CTNNA2: variants seen among roughly 807,000 people sequenced by gnomAD.
CTNNA2 encodes the protein catenin alpha-2.
A neutral mutation model predicts 101.0 loss-of-function variants in CTNNA2; 42 were observed. The observed-to-expected ratio is 0.42, with a 90% CI of 0.32 to 0.54. The LOEUF is 0.54. CTNNA2 is among the 20% of genes least tolerant of loss of function. The pLI is 0.14. For missense variants in CTNNA2, 871 were observed against 1,223.1 expected (o/e 0.71, Z 4.29); for synonymous variants, 450 against 456.4 (o/e 0.99, Z 0.18).
chr2:80,332,166 G>A (rs1414084084), intron 7 of CTNNA2, among the ~76,000 whole-genome samples: 1 of 152,144 alleles, frequency 6.6e-6, no homozygotes, highest in African/African-American at 2.4e-5. Context: ...AAATTATTGT[G>A]TGCATTGAAC....
At chr2:79,853,276 C>T (rs1211457569) in intron 3 of CTNNA2, among the ~76,000 whole-genome samples, 4 of 152,136 alleles carry the variant, frequency 2.6e-5, no homozygotes, top group Non-Finnish European at 5.9e-5. Context: ...GCCTCAGCCT[C>T]TAGAGTAGCA....
chr2:80,617,392 C>A (rs1345502349), intron 17 of CTNNA2, among the ~76,000 whole-genome samples: 2 of 151,526 alleles, frequency 1.3e-5, no homozygotes, highest in African/African-American at 4.8e-5. Flanking sequence ...ATTGCAAAAT[C>A]TCACACACAA....
chr2:79,748,991 G>T (rs112992170), intron 3 of CTNNA2, among the ~76,000 whole-genome samples: 1,574 of 152,178 alleles, frequency 0.01, 14 homozygotes, highest in Middle Eastern at 0.02. Context: ...GCTTACCTAC[G>T]GGGGAGAAGT....
intron 17 of CTNNA2, among the ~76,000 whole-genome samples, chr2:80,616,713 C>T (rs1698883624): frequency 6.6e-6 from 1 of 151,334 alleles, no homozygotes; most frequent in South Asian, 2.1e-4. Context: ...TGGAGTAGAG[C>T]TTAGTTTTCA....
At chr2:80,205,957 C>T (rs868746350) in intron 7 of CTNNA2, among the ~76,000 whole-genome samples, 25 of 152,156 alleles carry the variant, frequency 1.6e-4, no homozygotes, top group African/African-American at 5.8e-4. Context: ...TTATAAAGCA[C>T]TTTATATAGA....
intron 3 of CTNNA2, among the ~76,000 whole-genome samples, chr2:79,335,185 T>G (rs1368416019): frequency 1.3e-5 from 2 of 152,202 alleles, no homozygotes; most frequent in Non-Finnish European, 2.9e-5. Flanking sequence ...CTCATTTCCC[T>G]GGCCTTTTTT....
chr2:79,831,084 G>A (rs1558561560), intron 3 of CTNNA2, among the ~76,000 whole-genome samples: 2 of 151,096 alleles, frequency 1.3e-5, no homozygotes, highest in Non-Finnish European at 2.9e-5. Context: ...ATAAATTACT[G>A]TCATTTTGAT....
At chr2:79,665,583 T>C (rs1015399817) in intron 2 of CTNNA2, among the ~76,000 whole-genome samples, 1 of 152,206 alleles carries the variant, frequency 6.6e-6, no homozygotes, top group Non-Finnish European at 1.5e-5. Flanking sequence ...CCAAGTTAAG[T>C]AGAGCTAAGA....
intron 17 of CTNNA2, among the ~76,000 whole-genome samples, chr2:80,612,437 C>T (rs563811839): frequency 6.6e-6 from 1 of 151,530 alleles, no homozygotes; most frequent in Non-Finnish European, 1.5e-5. Context: ...AACATACAAA[C>T]ACAGAGCACA....
At chr2:79,802,012 AAT>A (rs1319776302) in intron 3 of CTNNA2, among the ~76,000 whole-genome samples, 4,157 of 146,646 alleles carry the variant, frequency 0.028, 75 homozygotes, top group Middle Eastern at 0.074. Context: ...AAAAAAAAAA[AAT>A]GAAAAAAGAA....
chr2:79,929,831 C>G (rs563081100), intron 7 of CTNNA2, among the ~76,000 whole-genome samples: 2 of 152,078 alleles, frequency 1.3e-5, no homozygotes, highest in Non-Finnish European at 2.9e-5. Context: ...CAGTTCTTGA[C>G]GGAAAAATTT....
At chr2:79,321,345 A>T (rs545096116) in intron 3 of CTNNA2, among the ~76,000 whole-genome samples, 2 of 152,210 alleles carry the variant, frequency 1.3e-5, no homozygotes, top group African/African-American at 2.4e-5. Context: ...CAAGAATCTT[A>T]AAGTTCATCC....
chr2:79,940,483 A>G (rs1688081557), intron 7 of CTNNA2, among the ~76,000 whole-genome samples: 1 of 152,144 alleles, frequency 6.6e-6, no homozygotes, highest in Non-Finnish European at 1.5e-5. Context: ...CCCCATCCTC[A>G]CTTCTTCTAT....
At chr2:80,175,837 G>A (rs1245952602) in intron 7 of CTNNA2, among the ~76,000 whole-genome samples, 1 of 152,210 alleles carries the variant, frequency 6.6e-6, no homozygotes, top group Non-Finnish European at 1.5e-5. Flanking sequence ...TTAGTTGTAG[G>A]TCTAATAGTT....
In CTNNA2 at chr2:80,050,465, C is replaced by T. The variant is rs75245961; in HGVS notation, c.1056+140668C>T. On this transcript the variant is annotated intron_variant, in intron 7 of 18. Transcript: ENST00000402739. Reference sequence around the variant, plus strand: ...GTGTATTTACAAAGTCAGCGTGCCACATGTCCCTTGCATTGTGCTCCCAGC... The same window carrying T: ...GTGTATTTACAAAGTCAGCGTGCCATATGTCCCTTGCATTGTGCTCCCAGC... 5.2e-3 allele frequency among the ~76,000 whole-genome samples: 795 copies of T among 152,302 alleles called. 12 individuals are homozygous for T. The highest frequency in any genetic ancestry group is 0.018 in the African/African-American group (743 of 41,568).
chr2:80,500,003 C>T (rs1307157456), intron 9 of CTNNA2, among the ~76,000 whole-genome samples: 4 of 151,060 alleles, frequency 2.6e-5, no homozygotes, highest in Non-Finnish European at 5.9e-5. Context: ...CAAATCCTTG[C>T]CATGTAAGTC....
chr2:80,313,382 A>G, intron 7 of CTNNA2: 1 of 1,349,098 alleles, frequency 7.4e-7, no homozygotes, highest in Non-Finnish European at 9.6e-7. Flanking sequence ...CCCGATGAGA[A>G]GCAGAGTTAG....
At chr2:79,530,204 A>G (rs1672654839) in intron 1 of CTNNA2, among the ~76,000 whole-genome samples, 1 of 152,260 alleles carries the variant, frequency 6.6e-6, no homozygotes, top group East Asian at 1.9e-4. Flanking sequence ...GGCGTGGGTA[A>G]CATTTTACAA....
intron 1 of CTNNA2, among the ~76,000 whole-genome samples, chr2:79,526,346 C>T (rs1672404393): frequency 6.6e-6 from 1 of 151,746 alleles, no homozygotes; most frequent in South Asian, 2.1e-4. Flanking sequence ...TTGAAGAAGA[C>T]CTAAAAAATG....
Sources: allele counts gnomAD v4.1 joint callset (sites outside exome capture counted in the v4.1 genomes callset), GRCh38; gene constraint gnomAD v4.1.1; transcripts MANE v1.5; gene names NCBI Gene and HGNC (gene_info 2026-07-23, HGNC 2026-07-21).